Variants in MAGI1 observed in about 807,000 individuals in gnomAD.
MAGI1 encodes the protein membrane associated guanylate kinase, WW and PDZ domain containing 1, also known as membrane-associated guanylate kinase, WW and PDZ domain-containing protein 1.
In MAGI1, 58 loss-of-function variants were observed where a neutral mutation model predicts 139.9. That is an observed-to-expected ratio of 0.41 (90% CI 0.34 to 0.52). MAGI1 has a LOEUF of 0.52. Among genes scored for constraint, MAGI1 ranks in the 20% least tolerant of loss-of-function variants. The pLI is 0.12. For missense variants in MAGI1, 1,874 were observed against 1,901.6 expected (o/e 0.99, Z 0.27); for synonymous variants, 812 against 737.9 (o/e 1.10, Z -1.63).
chr3:65,367,793 T>C lies in MAGI1; in HGVS notation c.3197-2847A>G, dbSNP rs114710521. ...TTTACGTAGGAATCATGTGTTGGTA[T>C]TGAGGAAATCATATCTAATTGGAAC... On this transcript the variant is annotated intron_variant, in intron 18 of 22. Coordinates refer to ENST00000402939, the MANE Select transcript of MAGI1 (RefSeq NM_001033057.2). 2.0e-3 allele frequency among the ~76,000 whole-genome samples: 310 copies of C among 152,318 alleles called. 1 individual carries two copies. The highest frequency in any genetic ancestry group is 6.0e-3 in the African/African-American group (248 of 41,568).
chr3:65,491,415 T>C (rs1425886883), intron 3 of MAGI1, among the ~76,000 whole-genome samples: 2 of 152,194 alleles, frequency 1.3e-5, no homozygotes, highest in Non-Finnish European at 2.9e-5. Flanking sequence ...ATCTTCCAAG[T>C]TAAATTGGAG....
At chr3:65,662,739 A>C (rs2107399672) in intron 1 of MAGI1, among the ~76,000 whole-genome samples, 1 of 152,276 alleles carries the variant, frequency 6.6e-6, no homozygotes, top group Admixed American at 6.5e-5. Flanking sequence ...CCCTCTTAGC[A>C]AATTTCCAGT....
intron 3 of MAGI1, among the ~76,000 whole-genome samples, chr3:65,490,539 G>A (rs926381308): frequency 6.6e-6 from 1 of 152,074 alleles, no homozygotes; most frequent in Non-Finnish European, 1.5e-5. Flanking sequence ...ACTCTGGTCA[G>A]TTCCAAAAAC....
chr3:65,739,614 TCTTC>T, intron 1 of MAGI1, among the ~76,000 whole-genome samples: 1 of 152,290 alleles, frequency 6.6e-6, no homozygotes, highest in East Asian at 1.9e-4. Context: ...GATGTGTGAC[TCTTC>T]CTTTCTCTCA....
intron 1 of MAGI1, among the ~76,000 whole-genome samples, chr3:65,750,516 CAA>C (rs1457640353): frequency 6.6e-6 from 1 of 152,178 alleles, no homozygotes; most frequent in Non-Finnish European, 1.5e-5. Context: ...ATTTGTTTAA[CAA>C]ATACTGGTTC....
chr3:65,900,328 T>C (rs2108617937), intron 1 of MAGI1, among the ~76,000 whole-genome samples: 1 of 152,268 alleles, frequency 6.6e-6, no homozygotes, highest in Non-Finnish European at 1.5e-5. Context: ...TCTCACTCAC[T>C]ACAATGAACA....
At chr3:65,848,693 G>A (rs1414472223) in intron 1 of MAGI1, among the ~76,000 whole-genome samples, 1 of 151,868 alleles carries the variant, frequency 6.6e-6, no homozygotes, top group Non-Finnish European at 1.5e-5. Flanking sequence ...AAACACCTGG[G>A]TCCTAGACCC....
chr3:65,928,292 G>C (rs982187552), intron 1 of MAGI1, among the ~76,000 whole-genome samples: 1 of 152,126 alleles, frequency 6.6e-6, no homozygotes. Flanking sequence ...AAAGGAAATT[G>C]GCAAACACTA....
At chr3:65,801,624 A>G (rs2040519875) in intron 1 of MAGI1, among the ~76,000 whole-genome samples, 1 of 152,154 alleles carries the variant, frequency 6.6e-6, no homozygotes, top group Non-Finnish European at 1.5e-5. Context: ...TCCTCGACCA[A>G]TCACTTCTCC....
At chr3:65,686,889 T>C (rs1012936602) in intron 1 of MAGI1, among the ~76,000 whole-genome samples, 2 of 152,256 alleles carry the variant, frequency 1.3e-5, no homozygotes, top group South Asian at 2.1e-4. Context: ...AGAGTTATCA[T>C]TTTGGAATAT....
intron 1 of MAGI1, among the ~76,000 whole-genome samples, chr3:65,933,188 C>T (rs2062882497): frequency 6.6e-6 from 1 of 152,158 alleles, no homozygotes; most frequent in South Asian, 2.1e-4. Flanking sequence ...AGAGAGAATG[C>T]AAAATGGCTG....
intron 1 of MAGI1, among the ~76,000 whole-genome samples, chr3:65,758,571 T>G (rs2036740479): frequency 6.6e-6 from 1 of 152,024 alleles, no homozygotes; most frequent in Non-Finnish European, 1.5e-5. Flanking sequence ...GGTTCTCAAC[T>G]GGGGGGGAAT....
chr3:65,466,482 G>C lies in MAGI1; in HGVS notation c.959+3801C>G, dbSNP rs572427784. On this transcript the variant is annotated intron_variant, in intron 5 of 22. Transcript: ENST00000402939. ...GGGGAATGGGCTCCTTCTTACCGCTGGGTGGGGATAGTGGCTTGAGCTCCC... is the reference window on the plus strand; with the variant it reads ...GGGGAATGGGCTCCTTCTTACCGCTCGGTGGGGATAGTGGCTTGAGCTCCC... 2.0e-5 allele frequency among the ~76,000 whole-genome samples: 3 copies of C among 152,232 alleles called. No individual in the cohort carries two copies. In the South Asian group the frequency reaches 6.2e-4, roughly 32 times the overall value.
chr3:65,987,009 T>C (rs1383455659), intron 1 of MAGI1, among the ~76,000 whole-genome samples: 1 of 152,102 alleles, frequency 6.6e-6, no homozygotes, highest in East Asian at 1.9e-4. Context: ...TAGCTGGGAC[T>C]ACAGGTATAC....
chr3:65,380,229 A>G (rs2106890367), intron 16 of MAGI1, among the ~76,000 whole-genome samples: 1 of 152,286 alleles, frequency 6.6e-6, no homozygotes, highest in Non-Finnish European at 1.5e-5. Flanking sequence ...AGCACTCCTA[A>G]ATAGCCAACA....
chr3:65,947,783 ATTTAT>A (rs2063605655), intron 1 of MAGI1, among the ~76,000 whole-genome samples: 1 of 151,812 alleles, frequency 6.6e-6, no homozygotes, highest in African/African-American at 2.4e-5. Flanking sequence ...TGCCCAGCTA[ATTTAT>A]TTTATTTTTA....
intron 2 of MAGI1, among the ~76,000 whole-genome samples, chr3:65,574,365 C>T (rs2081088698): frequency 6.8e-6 from 1 of 147,580 alleles, no homozygotes; most frequent in Admixed American, 6.9e-5. Context: ...AATTTTAACA[C>T]AGCATTTATG....
At chr3:65,705,051 A>G (rs767111649) in intron 1 of MAGI1, among the ~76,000 whole-genome samples, 1 of 152,064 alleles carries the variant, frequency 6.6e-6, no homozygotes, top group Non-Finnish European at 1.5e-5. Flanking sequence ...AATTCATCTT[A>G]TATTACTTTC....
rs956207 is a variant in MAGI1, at chr3:65,998,587, C to G, written c.313+39409G>C. Among the ~76,000 whole-genome samples the G allele has an allele frequency of 2.1e-3, 323 of 152,268 alleles. 1 individual carries two copies. Among genetic ancestry groups the G allele is most frequent in the South Asian group, 8.9e-3 (43 of 4,824 alleles). On this transcript the variant is annotated intron_variant, in intron 1 of 22. Transcript: ENST00000402939. ...TATTTAGAGGTTAAGATTTAAGAGACCAAGACTAATCTGTTAGGCCTTCCT... is the reference window on the plus strand; with the variant it reads ...TATTTAGAGGTTAAGATTTAAGAGAGCAAGACTAATCTGTTAGGCCTTCCT...
Sources: allele counts gnomAD v4.1 joint callset (sites outside exome capture counted in the v4.1 genomes callset), GRCh38; gene constraint gnomAD v4.1.1; transcripts MANE v1.5; gene names NCBI Gene and HGNC (gene_info 2026-07-23, HGNC 2026-07-21).